Variants in TAPT1 observed in about 807,000 individuals in gnomAD.
TAPT1 encodes transmembrane anterior posterior transformation 1.
TAPT1 carries 28 observed loss-of-function variants against 65.6 expected under a neutral mutation model. That is an observed-to-expected ratio of 0.43 (90% CI 0.32 to 0.59). The LOEUF (loss-of-function observed/expected upper bound fraction) is 0.59. Ranked by LOEUF, TAPT1 falls within the 20% of genes least tolerant of loss-of-function variation. The pLI is 0.09. For synonymous variants in TAPT1, 278 were observed against 245.2 expected, an observed-to-expected ratio of 1.13 and a Z score of -1.25; for missense variants, 563 against 679.9, an observed-to-expected ratio of 0.83 and a Z score of 1.91.
At chr4:16,177,854 A>AAAGAGTGAAAACCTAAAAC (rs1223615198) in intron 8 of TAPT1, among the ~76,000 whole-genome samples, 1 of 152,220 alleles carries the variant, frequency 6.6e-6, no homozygotes, top group Admixed American at 6.5e-5. Context: ...AAACCTAAAA[A>AAAGAGTGAAAACCTAAAAC]AAGAGTGAAA....
intron 2 of TAPT1, 29 bp from the exon 3 acceptor site, chr4:16,202,609 A>G (rs1750105185): frequency 8.3e-7 from 1 of 1,207,262 alleles, no homozygotes; most frequent in Non-Finnish European, 1.2e-6. Flanking sequence ...AGAAGAAAAA[A>G]AAAAAGTATT....
upstream of TAPT1, chr4:16,226,553 AGCC>A (rs551534255): frequency 8.4e-4 from 621 of 740,458 alleles, no homozygotes; most frequent in Non-Finnish European, 9.2e-4. Flanking sequence ...CCGGAGCCCG[AGCC>A]GCCGCCGCCG....
chr4:16,225,747 G>A (rs775869334), intron 1 of TAPT1: 1 of 360,096 alleles, frequency 2.8e-6, no homozygotes, highest in Non-Finnish European at 3.9e-6. Flanking sequence ...TTTCTGTACT[G>A]GGCAAAACTA....
At position 16,170,648 on chromosome 4, in the gene TAPT1, C is replaced by T; in HGVS notation, c.1313+5G>A. 1 of 1,607,726 alleles carries T rather than the reference C, an allele frequency of 6.2e-7. No homozygotes were observed. The highest frequency in any genetic ancestry group is 8.5e-7 in the Non-Finnish European group (1 of 1,174,510). On this transcript the variant is annotated splice_donor_5th_base_variant and intron_variant, in intron 12 of 13. Transcript: ENST00000405303. ...AGCCAAAAACATATTCAAGAATAAT[C>T]TTACCCAAAATAGAAGAGTATGACA...
chr4:16,173,482 G>C (rs1177814423), intron 11 of TAPT1, among the ~76,000 whole-genome samples: 1 of 151,374 alleles, frequency 6.6e-6, no homozygotes, highest in African/African-American at 2.4e-5. Flanking sequence ...GCAGTGGCAC[G>C]ATCTCGGCTC....
chr4:16,219,861 T>C (rs542139403), intron 1 of TAPT1, among the ~76,000 whole-genome samples: 3 of 152,336 alleles, frequency 2.0e-5, no homozygotes, highest in African/African-American at 7.2e-5. Flanking sequence ...AAATTGGGAA[T>C]AGTACCTAGT....
intron 12 of TAPT1, among the ~76,000 whole-genome samples, chr4:16,169,453 T>G (rs191917440): frequency 0.048 from 7,330 of 152,306 alleles, 212 homozygotes; most frequent in Middle Eastern, 0.14. Flanking sequence ...TGAGGGGCGG[T>G]GTGAGAATCT....
chr4:16,200,698 G>A (rs142930406), intron 3 of TAPT1, among the ~76,000 whole-genome samples: 61 of 152,120 alleles, frequency 4.0e-4, no homozygotes, highest in South Asian at 1.9e-3. Context: ...GCTTTATCCC[G>A]TTCCAAATAA....
chr4:16,200,162 T>C (rs1260292365), intron 3 of TAPT1, among the ~76,000 whole-genome samples: 1 of 152,240 alleles, frequency 6.6e-6, no homozygotes, highest in Non-Finnish European at 1.5e-5. Context: ...TTTAATGTTT[T>C]ACCACATTGT....
rs1273180648 is a variant in TAPT1 at position 16,163,050 on chromosome 4, C to T, written c.*258G>A. On this transcript the variant is annotated 3_prime_UTR_variant, in exon 14 of 14. Transcript: ENST00000405303. ...CCTTTGTTGGGTCCTGGAAATGATG[C>T]TGCTGCTTGGCCAGGCAGGAGGAAG... The T allele has an allele frequency of 3.6e-6, 2 of 557,774 alleles. No homozygotes were observed. The highest frequency in any genetic ancestry group is 3.7e-5 in the African/African-American group (2 of 53,852). The allele number at this position is 557,774 out of a possible 1,614,324, so 34.6% of individuals were successfully genotyped here.
intron 3 of TAPT1, among the ~76,000 whole-genome samples, chr4:16,200,347 A>G (rs1483594181): frequency 2.0e-5 from 3 of 152,174 alleles, no homozygotes; most frequent in African/African-American, 7.2e-5. Flanking sequence ...TACTTGAGAC[A>G]GGGTCTCACT....
rs756858746 is a variant in TAPT1, at chr4:16,166,685, G to A, written c.1422C>T (p.Cys474=). Residue 474 remains cysteine (C), a synonymous_variant, in exon 13 of 14, where the codon TGC becomes TGT. Transcript: ENST00000405303. ...EEKLSNPPAT[C]TPGKPSSKSQ... is the part of the protein sequence containing the mutation. Reference sequence around the variant, plus strand: ...ATTTACTGGACGGCTTGCCTGGAGTGCAGGTTGCGGGAGGATTCGACAGCT... The same window carrying A: ...ATTTACTGGACGGCTTGCCTGGAGTACAGGTTGCGGGAGGATTCGACAGCT... The A allele has an allele frequency of 6.2e-6, 10 of 1,614,036 alleles. No homozygotes were observed. In the South Asian group the frequency reaches 1.1e-4, roughly 18 times the overall value.
intron 5 of TAPT1, among the ~76,000 whole-genome samples, chr4:16,187,429 C>A (rs1337312096): frequency 6.6e-6 from 1 of 152,100 alleles, no homozygotes; most frequent in African/African-American, 2.4e-5. Context: ...CCATAAACTG[C>A]AGAATTATAT....
chr4:16,217,002 A>G (rs554756695), intron 1 of TAPT1, among the ~76,000 whole-genome samples: 7 of 152,102 alleles, frequency 4.6e-5, no homozygotes, highest in Admixed American at 3.3e-4. Flanking sequence ...CTAGGTCACA[A>G]TTTTCTTTTT....
intron 4 of TAPT1, among the ~76,000 whole-genome samples, chr4:16,188,906 C>T (rs1047986728): frequency 7.5e-5 from 11 of 146,008 alleles, no homozygotes; most frequent in Admixed American, 4.8e-4. Flanking sequence ...GGTGACAGCG[C>T]GACTCTGACT....
At chr4:16,227,254 CTG>C (rs1346257463), upstream of TAPT1, 2 of 455,402 alleles carry the variant, frequency 4.4e-6, no homozygotes, top group South Asian at 1.5e-5. Context: ...ACTTTCCACA[CTG>C]TCTTTCGGGA....
intron 7 of TAPT1, among the ~76,000 whole-genome samples, chr4:16,180,092 G>C (rs145477355): frequency 1.3e-5 from 2 of 152,180 alleles, no homozygotes; most frequent in African/African-American, 4.8e-5. Context: ...TTCCAATCTG[G>C]TAAATAGTAC....
At chr4:16,175,793 A>G (rs1748285267) in intron 9 of TAPT1, among the ~76,000 whole-genome samples, 1 of 152,156 alleles carries the variant, frequency 6.6e-6, no homozygotes, top group Admixed American at 6.5e-5. Flanking sequence ...AGAGAGAAAA[A>G]TTTTGATGGT....
At chr4:16,179,514 T>G (rs1748575660) in intron 8 of TAPT1, 63 bp downstream of exon 8, 3 of 1,015,830 alleles carry the variant, frequency 3.0e-6, no homozygotes, top group East Asian at 5.6e-5. Context: ...TTATTCCATG[T>G]AAAAGAATGA....
Sources: gnomAD v4.1 joint callset for allele counts (sites outside exome capture counted in the v4.1 genomes callset) on GRCh38, gnomAD v4.1.1 for gene constraint, MANE v1.5 for transcripts, NCBI Gene and HGNC (gene_info 2026-07-23, HGNC 2026-07-21) for gene names.